RNF111: variants seen among roughly 807,000 people sequenced by gnomAD.
RNF111 encodes ring finger protein 111.
In RNF111, 17 loss-of-function variants were observed where a neutral mutation model predicts 95.1. That is an observed-to-expected ratio of 0.18 (90% confidence interval 0.12 to 0.27). The LOEUF (loss-of-function observed/expected upper bound fraction) is 0.27. Among genes scored for constraint, RNF111 ranks in the 10% least tolerant of loss-of-function variants. The pLI is 1.00. For missense variants in RNF111, 1,189 were observed against 1,210.4 expected (o/e 0.98, Z 0.26); for synonymous variants, 440 against 414.8 (o/e 1.06, Z -0.74).
At chr15:58,992,230 A>G (rs754806190) in intron 1 of RNF111, among the ~76,000 whole-genome samples, 9 of 152,106 alleles carry the variant, frequency 5.9e-5, no homozygotes, top group Non-Finnish European at 1.0e-4. Flanking sequence ...TTTTTAGTAG[A>G]AACGGTTTTT....
At chr15:59,023,044 C>T (rs1395028332) in intron 1 of RNF111, among the ~76,000 whole-genome samples, 2 of 152,090 alleles carry the variant, frequency 1.3e-5, no homozygotes, top group African/African-American at 2.4e-5. Flanking sequence ...GTCAGGAGTT[C>T]GAGACCAGCC....
At chr15:59,069,143 T>C (rs1037640201) in intron 6 of RNF111, among the ~76,000 whole-genome samples, 1 of 152,090 alleles carries the variant, frequency 6.6e-6, no homozygotes, top group Non-Finnish European at 1.5e-5. Context: ...AGAGGAAGTT[T>C]GAATTGAGTA....
intron 1 of RNF111, among the ~76,000 whole-genome samples, chr15:59,023,183 G>A (rs1243626235): frequency 6.6e-6 from 1 of 152,182 alleles, no homozygotes; most frequent in Non-Finnish European, 1.5e-5. Context: ...GGGAGGCGTA[G>A]GTTGCAGTGA....
At chr15:59,007,087 A>T (rs1194604415) in intron 1 of RNF111, among the ~76,000 whole-genome samples, 1 of 152,114 alleles carries the variant, frequency 6.6e-6, no homozygotes, top group Non-Finnish European at 1.5e-5. Flanking sequence ...TTTAAAGTAA[A>T]CTTTACATAC....
At chr15:59,067,612 T>G (rs2042724478) in intron 6 of RNF111, among the ~76,000 whole-genome samples, 1 of 152,182 alleles carries the variant, frequency 6.6e-6, no homozygotes. Flanking sequence ...TACAACTAAT[T>G]GAATGGACCA....
intron 2 of RNF111, among the ~76,000 whole-genome samples, chr15:59,051,108 G>A (rs1244681107): frequency 1.3e-5 from 2 of 152,074 alleles, no homozygotes; most frequent in Non-Finnish European, 2.9e-5. Flanking sequence ...TTCTAAATAA[G>A]GATGCACTTT....
intron 9 of RNF111, among the ~76,000 whole-genome samples, chr15:59,084,822 G>A (rs1460796303): frequency 2.0e-5 from 3 of 151,740 alleles, no homozygotes; most frequent in Non-Finnish European, 4.4e-5. Flanking sequence ...ACTCTCTCCT[G>A]TGAGTTTAGG....
rs2042625030 is a variant in RNF111, at chr15:59,065,683, T to G, written c.1367-1081T>G. Among the ~76,000 whole-genome samples the G allele has an allele frequency of 2.0e-5, 3 of 152,164 alleles. No homozygotes were observed. In the South Asian group the frequency reaches 6.2e-4, roughly 32 times the overall value. ...AGTCTAATCATTTCTTACATTCTATTGGTTCTGACTGTAGAGTCCAAAGGA... is the reference window on the plus strand; with the variant it reads ...AGTCTAATCATTTCTTACATTCTATGGGTTCTGACTGTAGAGTCCAAAGGA... On this transcript the variant is annotated intron_variant, in intron 5 of 13. Transcript: ENST00000348370.
rs764416975 is a variant in RNF111 at position 59,092,655 on chromosome 15, A to G, written c.2843+15A>G. The stretch of plus-strand genomic sequence containing the variant: ...GAAGATGTGAGGTAACTAGATATTA[A>G]TTATCTAAAATCCATTGTCAAAACT... On this transcript the variant is annotated intron_variant, in intron 13 of 13. Coordinates refer to ENST00000348370, the MANE Select transcript of RNF111 (RefSeq NM_017610.8). The G allele has an allele frequency of 1.1e-5, 18 of 1,593,032 alleles. 1 individual carries two copies. In the East Asian group the frequency reaches 3.0e-4, roughly 26 times the overall value.
At chr15:59,059,046 G>T (rs1265670637) in intron 5 of RNF111, among the ~76,000 whole-genome samples, 1 of 152,112 alleles carries the variant, frequency 6.6e-6, no homozygotes, top group African/African-American at 2.4e-5. Flanking sequence ...GAGGGGTTGA[G>T]GGTGGAGGAT....
intron 1 of RNF111, among the ~76,000 whole-genome samples, chr15:59,001,037 A>G (rs1355378524): frequency 6.6e-6 from 1 of 152,176 alleles, no homozygotes; most frequent in Non-Finnish European, 1.5e-5. Flanking sequence ...TGTTGGTATT[A>G]ACTACTAATG....
At chr15:59,038,047 A>G (rs1261361469) in intron 2 of RNF111, among the ~76,000 whole-genome samples, 1 of 152,242 alleles carries the variant, frequency 6.6e-6, no homozygotes, top group Non-Finnish European at 1.5e-5. Flanking sequence ...CATATAAGAT[A>G]TTGAAAAAAT....
Position 59,056,858 on chromosome 15 carries a change from G to T in RNF111, c.1171+1013G>T, listed in dbSNP as rs187502970. On this transcript the variant is annotated intron_variant, in intron 4 of 13. Transcript: ENST00000348370. ...CTATTTTGGAAACTTTTTGTGTTCCGATGTGACACCTGCTAGCCAGTAAGT... is the reference window on the plus strand; with the variant it reads ...CTATTTTGGAAACTTTTTGTGTTCCTATGTGACACCTGCTAGCCAGTAAGT... Among the ~76,000 whole-genome samples the T allele has an allele frequency of 3.3e-5, 5 of 152,192 alleles. No homozygotes were observed. In the East Asian group the frequency reaches 7.7e-4, roughly 24 times the overall value.
chr15:59,070,239 C>T (rs2042858972), intron 6 of RNF111, among the ~76,000 whole-genome samples: 2 of 151,934 alleles, frequency 1.3e-5, no homozygotes, highest in South Asian at 2.1e-4. Context: ...CATCACTATA[C>T]TCATCTTGCT....
chr15:59,039,383 A>G (rs1295680253), intron 2 of RNF111, among the ~76,000 whole-genome samples: 1 of 152,250 alleles, frequency 6.6e-6, no homozygotes, highest in Non-Finnish European at 1.5e-5. Flanking sequence ...CAGGAAAGGC[A>G]AGATGAATGC....
intron 1 of RNF111, among the ~76,000 whole-genome samples, chr15:59,002,230 C>A (rs1387511520): frequency 6.6e-6 from 1 of 152,192 alleles, no homozygotes; most frequent in Admixed American, 6.5e-5. Context: ...ATTTTCTTGA[C>A]TATCTTCCCG....
At chr15:59,084,831 G>C (rs1400027557) in intron 9 of RNF111, among the ~76,000 whole-genome samples, 1 of 151,826 alleles carries the variant, frequency 6.6e-6, no homozygotes, top group Non-Finnish European at 1.5e-5. Flanking sequence ...TGTGAGTTTA[G>C]GTTTTTTAGA....
chr15:59,088,883 T>G (rs1266148802), intron 10 of RNF111, among the ~76,000 whole-genome samples: 1 of 152,196 alleles, frequency 6.6e-6, no homozygotes, highest in Admixed American at 6.5e-5. Flanking sequence ...CCTTCTTTGC[T>G]TAGGAACACT....
chr15:59,025,833 C>T (rs914296148), intron 1 of RNF111, among the ~76,000 whole-genome samples: 9 of 152,002 alleles, frequency 5.9e-5, no homozygotes, highest in East Asian at 1.9e-4. Flanking sequence ...CGGATTCAAG[C>T]GATTCTCCTG....
Sources: allele counts gnomAD v4.1 joint callset (sites outside exome capture counted in the v4.1 genomes callset), GRCh38; gene constraint gnomAD v4.1.1; transcripts MANE v1.5; gene names NCBI Gene and HGNC (gene_info 2026-07-23, HGNC 2026-07-21).